ATXN2L: variants seen among roughly 807,000 people sequenced by gnomAD.
ATXN2L encodes ataxin 2 like.
ATXN2L carries 24 observed loss-of-function variants against 120.7 expected under a neutral mutation model. That is an observed-to-expected ratio of 0.20 (90% CI 0.14 to 0.28). ATXN2L has a LOEUF of 0.28. Among genes scored for constraint, ATXN2L ranks in the 10% least tolerant of loss-of-function variants. The probability of loss-of-function intolerance (pLI) is 1.00; values close to 1 mark genes in which losing one functional copy is unlikely to be tolerated. For missense variants in ATXN2L, 1,312 were observed against 1,432.3 expected (o/e 0.92, Z 1.36); for synonymous variants, 653 against 568.1 (o/e 1.15, Z -2.13).
chr16:28,834,269 T>C (rs1480419761), intron 16 of ATXN2L, 58 bp downstream of exon 16: 1 of 1,610,416 alleles, frequency 6.2e-7, no homozygotes, highest in South Asian at 1.1e-5. Context: ...GTTGCGCTGG[T>C]TGAGGGACCA....
Position 28,833,287 on chromosome 16 carries a change from A to G in ATXN2L, c.1888A>G (p.Ser630Gly), listed in dbSNP as rs2055199858. Residue 630 changes from serine (S) to glycine (G), a missense_variant, in exon 14 of 22, where the codon AGC (serine) becomes GGC (glycine). Physicochemically the swap from Ser to Gly is moderately conservative, Grantham distance 56. Coordinates refer to ENST00000336783, the MANE Select transcript of ATXN2L (RefSeq NM_007245.4). ...GPEQPPPPCPSQTGSPPVGLI... is the reference protein window; with the variant it reads ...GPEQPPPPCPGQTGSPPVGLI... Reference sequence around the variant, plus strand: ...AGAGCAGCCCCCACCACCTTGTCCAAGCCAAACTGGCAGCCCCCCGGTGGG... The same window carrying G: ...AGAGCAGCCCCCACCACCTTGTCCAGGCCAAACTGGCAGCCCCCCGGTGGG... 6.2e-7 allele frequency: 1 copy of G among 1,614,036 alleles called. No homozygotes were observed. The highest frequency in any genetic ancestry group is 1.3e-5 in the African/African-American group (1 of 74,928).
rs2055297388 is a variant in ATXN2L at position 28,833,495 on chromosome 16, C to T, written c.2012C>T (p.Pro671Leu). ...PNAKEFNPTK[P>L]LLSVNKSTST... ...GCTAAGGAGTTCAATCCTACAAAGC[C>T]TCTGCTGTCTGTGGTGAGCTGGGAC... is the stretch of plus-strand genomic sequence containing the variant. The change falls in exon 15 of 22, where the codon CCT becomes CTT. Residue 671 changes from proline to leucine, a missense_variant. By Grantham distance (98) the Pro-to-Leu change is moderately conservative (BLOSUM62 -3). Coordinates refer to ENST00000336783, the MANE Select transcript of ATXN2L (RefSeq NM_007245.4). The T allele has an allele frequency of 1.9e-6, 3 of 1,614,204 alleles. No individual in the cohort carries two copies. Among genetic ancestry groups the T allele is most frequent in the Non-Finnish European group, 2.5e-6 (3 of 1,180,026 alleles).
chr16:28,834,828 G>A (rs1029510137), intron 18 of ATXN2L, 135 bp downstream of exon 18: 12 of 1,231,542 alleles, frequency 9.7e-6, no homozygotes, highest in African/African-American at 3.0e-5. Flanking sequence ...TATTGGCGGT[G>A]TCAGACTTGG....
In ATXN2L at chr16:28,834,159, G is replaced by A; in HGVS notation, c.2120G>A (p.Ser707Asn). The A allele has an allele frequency of 6.2e-7, 1 of 1,614,138 alleles. No homozygotes were observed. The highest frequency in any genetic ancestry group is 8.5e-7 in the Non-Finnish European group (1 of 1,180,014). ...VLTAGQSGLY[S>N]PQYISYIPQI... ...ACAGCAGGCCAGAGTGGGCTATACAGCCCCCAGTACATCTCCTACATACCT... is the reference window on the plus strand; with the variant it reads ...ACAGCAGGCCAGAGTGGGCTATACAACCCCCAGTACATCTCCTACATACCT... The change falls in exon 16 of 22, where the codon AGC (serine) becomes AAC (asparagine). Residue 707 changes from serine (S) to asparagine (N), a missense_variant. By Grantham distance (46) the Ser-to-Asn change is conservative. Transcript: ENST00000336783.
chr16:28,830,596 A>AT lies in ATXN2L; in HGVS notation c.1035-16dup. 1 of 1,545,384 alleles carries AT rather than the reference A, an allele frequency of 6.5e-7. No individual in the cohort carries two copies. Among genetic ancestry groups the AT allele is most frequent in the Non-Finnish European group, 8.7e-7 (1 of 1,146,302 alleles). Reference sequence around the variant, plus strand: ...GTGGGTTTTGTGGCTACCTGGCCTTATTTGAACTCTTTCCTCAGGGAGGGG... The same window carrying AT: ...GTGGGTTTTGTGGCTACCTGGCCTTATTTTGAACTCTTTCCTCAGGGAGGGG... On this transcript the variant is annotated intron_variant, in intron 8 of 21. Coordinates refer to ENST00000336783, the MANE Select transcript of ATXN2L (RefSeq NM_007245.4).
intron 7 of ATXN2L, 116 bp downstream of exon 7, chr16:28,829,608 C>T: frequency 1.2e-6 from 1 of 850,098 alleles, no homozygotes; most frequent in Non-Finnish European, 1.9e-6. Context: ...TCCAGGGTCG[C>T]CATCCCTACT....
intron 13 of ATXN2L, 60 bp downstream of exon 13, chr16:28,832,947 T>C: frequency 6.2e-7 from 1 of 1,602,226 alleles, no homozygotes; most frequent in South Asian, 1.1e-5. Flanking sequence ...GGTTCGTAGA[T>C]GAGGCAAAGG....
chr16:28,836,863 C>G lies in ATXN2L; in HGVS notation c.*598C>G. The stretch of plus-strand genomic sequence containing the variant: ...TTCCCCCAGCAGCTCGGACCACTCC[C>G]AGCCCCCCATCCCCCCGTTCCCCAG... On this transcript the variant is annotated 3_prime_UTR_variant, in exon 22 of 22. Transcript: ENST00000336783. 1.4e-6 allele frequency: 2 copies of G among 1,425,602 alleles called. No homozygotes were observed. The highest frequency in any genetic ancestry group is 2.0e-6 in the Non-Finnish European group (2 of 1,022,308). The allele number at this position is 1,425,602 out of a possible 1,614,324, so 88.3% of individuals were successfully genotyped here.
chr16:28,836,012 A>G lies in ATXN2L; in HGVS notation c.2975A>G (p.His992Arg). ...CACCCGCCCCAGGTGATGCTGCTGC[A>G]CCCACCCCAGAGTCATGGGGGGCCC... ...APHPPQVMLL[H>R]PPQSHGGPPQ... The change falls in exon 22 of 22, where the codon CAC becomes CGC. Residue 992 changes from histidine (H) to arginine (R), a missense_variant. Coordinates refer to ENST00000336783, the MANE Select transcript of ATXN2L (RefSeq NM_007245.4). 6.5e-7 allele frequency: 1 copy of G among 1,541,252 alleles called. No individual in the cohort carries two copies. The highest frequency in any genetic ancestry group is 8.8e-7 in the Non-Finnish European group (1 of 1,140,790).
At position 28,833,868 on chromosome 16, in the gene ATXN2L, G is replaced by A. The variant is rs142886347; in HGVS notation, c.2026-197G>A. On this transcript the variant is annotated intron_variant, in intron 15 of 21. Transcript: ENST00000336783. Reference sequence around the variant, plus strand: ...ATTTGGAAGGTTTGTGATCTTGGACGTCACTTACATTCTCTGCCTCACCTG... The same window carrying A: ...ATTTGGAAGGTTTGTGATCTTGGACATCACTTACATTCTCTGCCTCACCTG... 1.0e-4 allele frequency: 76 copies of A among 725,632 alleles called. No individual in the cohort carries two copies. In the East Asian group the frequency reaches 1.4e-3, roughly 13 times the overall value. The allele number at this position is 725,632 out of a possible 1,614,324, so 44.9% of individuals were successfully genotyped here.
intron 4 of ATXN2L, 53 bp downstream of exon 4, chr16:28,825,894 G>T: frequency 6.7e-7 from 1 of 1,493,674 alleles, no homozygotes; most frequent in South Asian, 1.1e-5. Flanking sequence ...GGAGGAGAAT[G>T]AAATAGGCTC....
In ATXN2L at chr16:28,836,395, C is replaced by T; in HGVS notation, c.*130C>T. The T allele has an allele frequency of 6.2e-7, 1 of 1,613,544 alleles. No individual in the cohort carries two copies. Among genetic ancestry groups the T allele is most frequent in the South Asian group, 1.1e-5 (1 of 91,066 alleles). ...GCTCCTGGCTCTGTCCTTTGCTTCC[C>T]TCCGTCCTCGCTCAGTTGTGATCCA... On this transcript the variant is annotated 3_prime_UTR_variant, in exon 22 of 22. Transcript: ENST00000336783.
intron 20 of ATXN2L, 37 bp downstream of exon 20, chr16:28,835,436 A>T (rs1960119824): frequency 6.2e-7 from 1 of 1,611,662 alleles, no homozygotes; most frequent in Non-Finnish European, 8.5e-7. Context: ...GTCCTGGTGC[A>T]GGAATGGGTG....
intron 1 of ATXN2L, chr16:28,824,480 C>T: frequency 1.6e-6 from 2 of 1,288,324 alleles, no homozygotes; most frequent in Non-Finnish European, 2.0e-6. Context: ...TCTTCGCCCT[C>T]AACCGCCGGT....
chr16:28,826,741 A>G (rs1004636189), intron 5 of ATXN2L, 121 bp from the exon 6 acceptor site: 5 of 1,254,356 alleles, frequency 4.0e-6, no homozygotes, highest in Admixed American at 5.8e-5. Flanking sequence ...ACACGGGCAC[A>G]CGTACTCTGG....
At chr16:28,831,304 T>A (rs2054311892) in intron 10 of ATXN2L, among the ~76,000 whole-genome samples, 1 of 152,156 alleles carries the variant, frequency 6.6e-6, no homozygotes, top group South Asian at 2.1e-4. Context: ...TAGATTTGAA[T>A]CAGTTGCTAA....
At position 28,832,904 on chromosome 16, in the gene ATXN2L, C is replaced by CT. The variant is rs770328619; in HGVS notation, c.1659+18dup. On this transcript the variant is annotated intron_variant, in intron 13 of 21. Transcript: ENST00000336783. ...CAGTTTAAGGTGAGAGAAGAGTGAG[C>CT]TGGGATATTAGCAGGGTAAAGGGGT... 19 of 1,613,672 alleles carry CT rather than the reference C, an allele frequency of 1.2e-5. No homozygotes were observed. The highest frequency in any genetic ancestry group is 1.5e-5 in the Non-Finnish European group (18 of 1,179,660).
Position 28,832,339 on chromosome 16 carries a change from G to T in ATXN2L, c.1456G>T (p.Asp486Tyr). The T allele has an allele frequency of 6.2e-7, 1 of 1,614,192 alleles. No individual in the cohort carries two copies. The highest frequency in any genetic ancestry group is 8.5e-7 in the Non-Finnish European group (1 of 1,180,056). ...CATCCCTGTGACCTCATCAGTCTCA[G>T]ATCCTGGAGTGGGCTCCATTTCTCC... The part of the protein sequence containing the change: ...ASIPVTSSVS[D>Y]PGVGSISPAS... Residue 486 changes from aspartate to tyrosine, a missense_variant, in exon 11 of 22, where the codon GAT becomes TAT. Asp to Tyr is a radical substitution (Grantham distance 160, BLOSUM62 -3). Coordinates refer to ENST00000336783, the MANE Select transcript of ATXN2L (RefSeq NM_007245.4).
chr16:28,835,990 C>T lies in ATXN2L; in HGVS notation c.2953C>T (p.Pro985Ser). 1.3e-6 allele frequency: 2 copies of T among 1,547,118 alleles called. No individual in the cohort carries two copies. The highest frequency in any genetic ancestry group is 1.7e-6 in the Non-Finnish European group (2 of 1,146,590). Residue 985 changes from proline (P) to serine (S), a missense_variant, in exon 22 of 22, where the codon CCG (proline) becomes TCG (serine). Pro to Ser is a moderately conservative substitution (Grantham distance 74). Coordinates refer to ENST00000336783, the MANE Select transcript of ATXN2L (RefSeq NM_007245.4). Reference protein sequence around the residue: ...APPPHPGAPHPPQVMLLHPPQ... With the variant: ...APPPHPGAPHSPQVMLLHPPQ... The stretch of plus-strand genomic sequence containing the variant: ...GCCCCCTCACCCTGGGGCTCCCCAC[C>T]CGCCCCAGGTGATGCTGCTGCACCC...
Sources: gnomAD v4.1 joint callset for allele counts (sites outside exome capture counted in the v4.1 genomes callset) on GRCh38, gnomAD v4.1.1 for gene constraint, MANE v1.5 for transcripts, NCBI Gene and HGNC (gene_info 2026-07-23, HGNC 2026-07-21) for gene names.